Variants in PPP4R3A observed in about 807,000 individuals in gnomAD.
PPP4R3A encodes serine/threonine-protein phosphatase 4 regulatory subunit 3A.
PPP4R3A carries 15 observed loss-of-function variants against 91.7 expected under a neutral mutation model. The observed-to-expected ratio is 0.16, with a 90% CI of 0.11 to 0.25. The LOEUF (loss-of-function observed/expected upper bound fraction) is 0.25, where lower values mean the gene tolerates loss of function less well. Among genes scored for constraint, PPP4R3A ranks in the 10% least tolerant of loss-of-function variants. The pLI is 1.00. For synonymous variants in PPP4R3A, 377 were observed against 348.7 expected (o/e 1.08, Z -0.91); for missense variants, 623 against 998.4 (o/e 0.62, Z 5.07).
intron 1 of PPP4R3A, among the ~76,000 whole-genome samples, chr14:91,498,068 C>T (rs995634510): frequency 9.9e-5 from 15 of 152,152 alleles, no homozygotes; most frequent in Non-Finnish European, 1.9e-4. Context: ...GGCATGGTGG[C>T]TCATGCCTGT....
intron 12 of PPP4R3A, 52 bp from the exon 13 acceptor site, chr14:91,462,291 C>G (rs1287000347): frequency 7.0e-7 from 1 of 1,438,142 alleles, no homozygotes; most frequent in Non-Finnish European, 9.1e-7. Flanking sequence ...CTTAATTGTA[C>G]TGTTACAGAT....
intron 14 of PPP4R3A, among the ~76,000 whole-genome samples, chr14:91,460,400 ACTT>A (rs1040459310): frequency 5.3e-5 from 8 of 151,168 alleles, no homozygotes; most frequent in Admixed American, 1.3e-4. Flanking sequence ...TCTCAGATTC[ACTT>A]CTTAGCCGTC....
intron 2 of PPP4R3A, among the ~76,000 whole-genome samples, chr14:91,485,986 AAAAAC>A (rs1310747060): frequency 6.6e-6 from 1 of 152,230 alleles, no homozygotes; most frequent in Non-Finnish European, 1.5e-5. Flanking sequence ...TGCAAAAGAT[AAAAAC>A]AAAACATTAT....
intron 1 of PPP4R3A, among the ~76,000 whole-genome samples, chr14:91,496,966 T>C (rs946828633): frequency 2.0e-5 from 3 of 152,122 alleles, no homozygotes; most frequent in Non-Finnish European, 4.4e-5. Flanking sequence ...ACACAATCCT[T>C]ACCCCCAACA....
At chr14:91,509,184 T>A (rs1371049416) in intron 1 of PPP4R3A, among the ~76,000 whole-genome samples, 2 of 152,218 alleles carry the variant, frequency 1.3e-5, no homozygotes, top group African/African-American at 4.8e-5. Context: ...AAGGTCACTC[T>A]AGTGCAAAAG....
At position 91,476,992 on chromosome 14, in the gene PPP4R3A, A is replaced by C; in HGVS notation, c.916-6T>G. ...GTCAGAAATTTTTCATCTTCCTGTG[A>C]AACAAAGGACAAATGCAATTATGTT... On this transcript the variant is annotated splice_polypyrimidine_tract_variant and splice_region_variant and intron_variant, in intron 4 of 14. Coordinates refer to ENST00000554943, the MANE Select transcript of PPP4R3A (RefSeq NM_001366432.2). The C allele has an allele frequency of 6.3e-7, 1 of 1,591,962 alleles. No homozygotes were observed.
At chr14:91,491,786 A>C (rs1171359084) in intron 1 of PPP4R3A, among the ~76,000 whole-genome samples, 2 of 152,164 alleles carry the variant, frequency 1.3e-5, no homozygotes, top group African/African-American at 4.8e-5. Flanking sequence ...ATAGGGTCTC[A>C]GCTCTGTTGC....
Position 91,458,713 on chromosome 14 carries a change from G to A in PPP4R3A, c.*46C>T. 3 of 1,613,622 alleles carry A rather than the reference G, an allele frequency of 1.9e-6. No individual in the cohort carries two copies. The highest frequency in any genetic ancestry group is 2.5e-6 in the Non-Finnish European group (3 of 1,179,738). The stretch of plus-strand genomic sequence containing the variant: ...GGATTTTGTATGGGGGAGGGGTGGA[G>A]AACCAGTTTTTTTCAACAGGTACTG... On this transcript the variant is annotated 3_prime_UTR_variant, in exon 15 of 15. Transcript: ENST00000554943.
chr14:91,458,704 A>AGG lies in PPP4R3A; in HGVS notation c.*53_*54dup. On this transcript the variant is annotated 3_prime_UTR_variant, in exon 15 of 15. Transcript: ENST00000554943. The stretch of plus-strand genomic sequence containing the variant: ...CTTTGTTGTGGATTTTGTATGGGGG[A>AGG]GGGGTGGAGAACCAGTTTTTTTCAA... The AGG allele has an allele frequency of 6.2e-7, 1 of 1,612,754 alleles. No homozygotes were observed. The highest frequency in any genetic ancestry group is 1.1e-5 in the South Asian group (1 of 90,950).
chr14:91,470,657 TAAG>T (rs778900292), intron 10 of PPP4R3A, among the ~76,000 whole-genome samples, 177 bp downstream of exon 10: 22 of 152,132 alleles, frequency 1.4e-4, no homozygotes, highest in Non-Finnish European at 2.8e-4. Flanking sequence ...GTATATTAAG[TAAG>T]AAGAGAGTCA....
intron 9 of PPP4R3A, among the ~76,000 whole-genome samples, chr14:91,471,617 G>A (rs896981326): frequency 6.6e-6 from 1 of 152,152 alleles, no homozygotes; most frequent in East Asian, 1.9e-4. Flanking sequence ...TGGAGGAATA[G>A]AACATGTGGT....
intron 4 of PPP4R3A, among the ~76,000 whole-genome samples, chr14:91,478,377 T>C (rs1889338145): frequency 6.6e-6 from 1 of 152,230 alleles, no homozygotes; most frequent in South Asian, 2.1e-4. Context: ...TAAGAGGGTG[T>C]GATATTTATT....
At chr14:91,477,115 T>TC in intron 4 of PPP4R3A, 129 bp from the exon 5 acceptor site, 1 of 666,716 alleles carries the variant, frequency 1.5e-6, no homozygotes, top group East Asian at 3.1e-5. Context: ...GCTGTCTTTT[T>TC]TTTTTTTTTT....
At chr14:91,495,581 C>T (rs1354225415) in intron 1 of PPP4R3A, among the ~76,000 whole-genome samples, 1 of 151,588 alleles carries the variant, frequency 6.6e-6, no homozygotes, top group African/African-American at 2.4e-5. Flanking sequence ...TCAGAGGAGA[C>T]AAAATGTTCT....
intron 2 of PPP4R3A, among the ~76,000 whole-genome samples, chr14:91,486,602 A>G (rs936924057): frequency 6.6e-6 from 1 of 152,224 alleles, no homozygotes; most frequent in African/African-American, 2.4e-5. Context: ...CCAAGAGCAT[A>G]TATTCTACAA....
At chr14:91,461,930 G>C in intron 13 of PPP4R3A, 119 bp downstream of exon 13, 1 of 1,384,230 alleles carries the variant, frequency 7.2e-7, no homozygotes, top group Non-Finnish European at 9.4e-7. Context: ...TAAAGCAATA[G>C]AGTCTTTAAA....
chr14:91,504,754 G>A (rs1460714636), intron 1 of PPP4R3A, among the ~76,000 whole-genome samples: 1 of 152,174 alleles, frequency 6.6e-6, no homozygotes, highest in Non-Finnish European at 1.5e-5. Flanking sequence ...TAGGTTGAGT[G>A]CCAAGTTACT....
chr14:91,509,654 G>A lies in PPP4R3A; in HGVS notation c.-7C>T. ...GCCGCCGGGTGTCGGTCATCGTGCC[G>A]CCCGGGAACCGGGGCGGGGGCCCCG... On this transcript the variant is annotated 5_prime_UTR_variant, in exon 1 of 15. Coordinates refer to ENST00000554943, the MANE Select transcript of PPP4R3A (RefSeq NM_001366432.2). The A allele has an allele frequency of 6.3e-7, 1 of 1,592,912 alleles. No homozygotes were observed. The highest frequency in any genetic ancestry group is 1.1e-5 in the South Asian group (1 of 90,310).
chr14:91,495,586 T>C (rs1279611994), intron 1 of PPP4R3A, among the ~76,000 whole-genome samples: 5 of 152,016 alleles, frequency 3.3e-5, no homozygotes, highest in Non-Finnish European at 7.4e-5. Flanking sequence ...GGAGACAAAA[T>C]GTTCTAAAAT....
Sources: gnomAD v4.1 joint callset for allele counts (sites outside exome capture counted in the v4.1 genomes callset) on GRCh38, gnomAD v4.1.1 for gene constraint, MANE v1.5 for transcripts, NCBI Gene and HGNC (gene_info 2026-07-23, HGNC 2026-07-21) for gene names.